Variants in KCTD20 observed in about 807,000 individuals in gnomAD.
The protein encoded by KCTD20 is BTB/POZ domain-containing protein KCTD20.
Under a neutral mutation model 39.6 loss-of-function variants are expected in KCTD20, and 30 were observed. The ratio of observed to expected loss-of-function variants is 0.76; its 90% confidence interval spans 0.57 to 1.03. The LOEUF (loss-of-function observed/expected upper bound fraction) is 1.03, where lower values mean the gene tolerates loss of function less well. KCTD20 is among the 50% of genes least tolerant of loss of function. KCTD20 has a pLI of 0.00. For missense variants in KCTD20, 422 were observed against 522.0 expected (o/e 0.81, Z 1.87); for synonymous variants, 162 against 180.6 (o/e 0.90, Z 0.83).
intron 5 of KCTD20, 63 bp downstream of exon 5, chr6:36,479,774 C>G: frequency 1.7e-6 from 1 of 605,250 alleles, no homozygotes; most frequent in Non-Finnish European, 2.6e-6. Context: ...TCTTGGAAGT[C>G]ACCGATTTTT....
rs774745690 is a variant in KCTD20, at chr6:36,484,696, A to T, written c.857-18A>T. On this transcript the variant is annotated intron_variant, in intron 6 of 7. Coordinates refer to ENST00000373731, the MANE Select transcript of KCTD20 (RefSeq NM_173562.5). Reference sequence around the variant, plus strand: ...AGGTCTTTACTCCATGGCTAACCCTATATTTTTTCTTTTTCAGTTCTTTAT... The same window carrying T: ...AGGTCTTTACTCCATGGCTAACCCTTTATTTTTTCTTTTTCAGTTCTTTAT... 17 of 1,222,318 alleles carry T rather than the reference A, an allele frequency of 1.4e-5. No individual in the cohort carries two copies. In the Admixed American group the frequency reaches 2.3e-4, roughly 17 times the overall value. 75.7% of individuals were successfully genotyped at this position (1,222,318 alleles called of 1,614,324 possible).
chr6:36,448,468 T>C (rs1775128138), intron 1 of KCTD20, among the ~76,000 whole-genome samples: 1 of 152,212 alleles, frequency 6.6e-6, no homozygotes, highest in Non-Finnish European at 1.5e-5. Flanking sequence ...TCCATGTGTT[T>C]GTCTCAAATC....
chr6:36,485,488 CTT>C (rs34990483), intron 7 of KCTD20, among the ~76,000 whole-genome samples: 6 of 97,114 alleles, frequency 6.2e-5, no homozygotes, highest in East Asian at 3.1e-4. Context: ...TGGAGTGGAT[CTT>C]TTTTTTTTTT....
In KCTD20 at chr6:36,479,618, T is replaced by G. The variant is rs1443550235; in HGVS notation, c.565T>G (p.Cys189Gly). ...LDYYKTGIINCPDGISIPDLR... is the reference protein window; with the variant it reads ...LDYYKTGIINGPDGISIPDLR... ...TTATTACAAAACCGGTATCATCAATTGTCCTGATGGCATCTCTATCCCAGA... is the reference window on the plus strand; with the variant it reads ...TTATTACAAAACCGGTATCATCAATGGTCCTGATGGCATCTCTATCCCAGA... The change falls in exon 5 of 8, where the codon TGT becomes GGT. Residue 189 changes from cysteine (C) to glycine (G), a missense_variant. Transcript: ENST00000373731. The G allele has an allele frequency of 6.2e-7, 1 of 1,608,952 alleles. No individual in the cohort carries two copies. The highest frequency in any genetic ancestry group is 8.5e-7 in the Non-Finnish European group (1 of 1,178,184).
intron 1 of KCTD20, among the ~76,000 whole-genome samples, chr6:36,447,366 G>A (rs752497727): frequency 2.0e-5 from 3 of 152,150 alleles, no homozygotes; most frequent in Non-Finnish European, 4.4e-5. Context: ...GATGGCTCAA[G>A]CCTGTAATCC....
In KCTD20 at chr6:36,445,393, T is replaced by C. The variant is rs139427320; in HGVS notation, c.-47+2282T>C. Among the ~76,000 whole-genome samples the C allele has an allele frequency of 1.1e-3, 163 of 152,088 alleles. 2 individuals are homozygous for C. In the South Asian group the frequency reaches 0.012, roughly 12 times the overall value. On this transcript the variant is annotated intron_variant, in intron 1 of 7. Coordinates refer to ENST00000373731, the MANE Select transcript of KCTD20 (RefSeq NM_173562.5). ...TAGAGATGAGGTTAGAATTAGGCCA[T>C]GTGTTTCTGTGACTTTTTTCCTCTC...
rs1776458889 is a variant in KCTD20, at chr6:36,487,345, A to T, written c.*170A>T. On this transcript the variant is annotated 3_prime_UTR_variant, in exon 8 of 8. Transcript: ENST00000373731. ...TTTTCAGTAAGTCCATGCCTCTGGCAGGGGATGAAGAAGTACTCACTGGTA... is the reference window on the plus strand; with the variant it reads ...TTTTCAGTAAGTCCATGCCTCTGGCTGGGGATGAAGAAGTACTCACTGGTA... The T allele has an allele frequency of 1.5e-6, 1 of 663,564 alleles. No homozygotes were observed. Among genetic ancestry groups the T allele is most frequent in the Non-Finnish European group, 2.5e-6 (1 of 398,610 alleles). 41.1% of individuals were successfully genotyped at this position (663,564 alleles called of 1,614,324 possible). A position where few individuals can be genotyped will look rare whatever the true frequency, so the allele number is the denominator to read the frequency against.
Position 36,489,256 on chromosome 6 carries a change from A to T in KCTD20, c.*2081A>T, listed in dbSNP as rs1297527669. 2 of 152,634 alleles carry T rather than the reference A, an allele frequency of 1.3e-5. No homozygotes were observed. The highest frequency in any genetic ancestry group is 2.9e-5 in the Non-Finnish European group (2 of 68,050). The allele number at this position is 152,634 out of a possible 1,614,324, so 9.5% of individuals were successfully genotyped here. On this transcript the variant is annotated 3_prime_UTR_variant, in exon 8 of 8. Coordinates refer to ENST00000373731, the MANE Select transcript of KCTD20 (RefSeq NM_173562.5). ...AAGTGTAAACCATGCCACAGCTAAC[A>T]CTTAAAAATGAAAACTAATTAGTTC...
intron 3 of KCTD20, among the ~76,000 whole-genome samples, chr6:36,475,838 G>A (rs1260636595): frequency 6.6e-6 from 1 of 152,044 alleles, no homozygotes; most frequent in Non-Finnish European, 1.5e-5. Flanking sequence ...GCCATCTATT[G>A]CAAGTTTTAT....
At chr6:36,443,391 A>ACTTGACTG (rs1310738623) in intron 1 of KCTD20, 1 of 152,260 alleles carries the variant, frequency 6.6e-6, no homozygotes, top group African/African-American at 2.4e-5. Context: ...CTGAAGTGTA[A>ACTTGACTG]CTTGACTGCT....
intron 6 of KCTD20, among the ~76,000 whole-genome samples, chr6:36,483,939 A>AT (rs148413365): frequency 0.25 from 34,139 of 135,906 alleles, 5,236 homozygotes; most frequent in African/African-American, 0.4. Flanking sequence ...GTGAGGCTGA[A>AT]TTTTTTTTTT....
At chr6:36,461,685 CAT>C (rs1296191104) in intron 1 of KCTD20, among the ~76,000 whole-genome samples, 2 of 152,088 alleles carry the variant, frequency 1.3e-5, no homozygotes, top group Non-Finnish European at 2.9e-5. Context: ...TACTGTAACT[CAT>C]ATAGTCTTTT....
intron 2 of KCTD20, 62 bp downstream of exon 2, chr6:36,470,319 C>A: frequency 1.4e-6 from 2 of 1,405,408 alleles, no homozygotes; most frequent in Non-Finnish European, 1.9e-6. Context: ...ATCTACTCTA[C>A]CCAGAAGGCA....
At position 36,487,315 on chromosome 6, in the gene KCTD20, T is replaced by C. The variant is rs1282542233; in HGVS notation, c.*140T>C. 6.7e-5 allele frequency: 56 copies of C among 837,934 alleles called. 1 individual carries two copies. The South Asian group carries it at 7.4e-4, about 11-fold the overall frequency. The allele number at this position is 837,934 out of a possible 1,614,324, so 51.9% of individuals were successfully genotyped here. ...TTTCCTTTCTGCCATAATTAACATATGTCCTTTTCAGTAAGTCCATGCCTC... is the reference window on the plus strand; with the variant it reads ...TTTCCTTTCTGCCATAATTAACATACGTCCTTTTCAGTAAGTCCATGCCTC... On this transcript the variant is annotated 3_prime_UTR_variant, in exon 8 of 8. Coordinates refer to ENST00000373731, the MANE Select transcript of KCTD20 (RefSeq NM_173562.5).
At chr6:36,457,627 T>C (rs1298940547) in intron 1 of KCTD20, among the ~76,000 whole-genome samples, 1 of 152,136 alleles carries the variant, frequency 6.6e-6, no homozygotes, top group African/African-American at 2.4e-5. Context: ...GGCAGGAGGA[T>C]TGCTTGAGCC....
chr6:36,471,878 T>C lies in KCTD20; in HGVS notation c.160+1621T>C, dbSNP rs542884356. Among the ~76,000 whole-genome samples, 3 of 150,708 alleles carry C rather than the reference T, an allele frequency of 2.0e-5. No individual in the cohort carries two copies. In the South Asian group the frequency reaches 6.3e-4, roughly 32 times the overall value. On this transcript the variant is annotated intron_variant, in intron 2 of 7. Coordinates refer to ENST00000373731, the MANE Select transcript of KCTD20 (RefSeq NM_173562.5). ...TTTTTTTTTTTTTTTAGACGGAGCC[T>C]CGCTCTGTTGCCCAGGCTGGAGTGC...
intron 1 of KCTD20, among the ~76,000 whole-genome samples, chr6:36,457,750 T>G (rs1775482135): frequency 1.3e-5 from 2 of 152,160 alleles, no homozygotes; most frequent in Non-Finnish European, 2.9e-5. Context: ...AATATGCTAA[T>G]CAAAGAAGGG....
At chr6:36,475,478 T>C (rs904417620) in intron 3 of KCTD20, among the ~76,000 whole-genome samples, 14 of 152,210 alleles carry the variant, frequency 9.2e-5, no homozygotes, top group African/African-American at 3.1e-4. Flanking sequence ...GTATTATTTT[T>C]CTGCCCTCAT....
chr6:36,480,890 A>C (rs1299826565), intron 5 of KCTD20, among the ~76,000 whole-genome samples: 1 of 152,184 alleles, frequency 6.6e-6, no homozygotes, highest in Non-Finnish European at 1.5e-5. Flanking sequence ...TGCTTTATAG[A>C]TACGGACTTG....
Sources: gnomAD v4.1 joint callset for allele counts (sites outside exome capture counted in the v4.1 genomes callset) on GRCh38, gnomAD v4.1.1 for gene constraint, MANE v1.5 for transcripts, NCBI Gene and HGNC (gene_info 2026-07-23, HGNC 2026-07-21) for gene names.